Variants in KLRG1 observed in about 807,000 individuals in gnomAD.
KLRG1 encodes killer cell lectin like receptor G1, also known as killer cell lectin-like receptor subfamily G member 1.
KLRG1 carries 16 observed loss-of-function variants against 21.8 expected under a neutral mutation model. That is an observed-to-expected ratio of 0.73 (90% CI 0.50 to 1.11). The LOEUF (loss-of-function observed/expected upper bound fraction) is 1.11, where lower values mean the gene tolerates loss of function less well. Among genes scored for constraint, KLRG1 ranks in the 50% most tolerant of loss-of-function variants. KLRG1 has a pLI of 0.00. For missense variants in KLRG1, 173 were observed against 218.3 expected (o/e 0.79, Z 1.31); for synonymous variants, 69 against 75.9 (o/e 0.91, Z 0.47).
chr12:8,971,597 TCTC>T (rs1326812375), intron 1 of KLRG1, among the ~76,000 whole-genome samples: 3 of 147,470 alleles, frequency 2.0e-5, no homozygotes, highest in Admixed American at 2.0e-4. Flanking sequence ...TTCAAGCGAT[TCTC>T]CTGCCTCAGC....
the KLRG1 span, chr12:9,068,801 T>G: frequency 6.2e-7 from 1 of 1,609,082 alleles, no homozygotes; most frequent in Non-Finnish European, 8.5e-7. Flanking sequence ...CTGGGACATC[T>G]TGCAGAACCG....
chr12:9,145,323 G>C, the KLRG1 span, among the ~76,000 whole-genome samples: 2 of 151,718 alleles, frequency 1.3e-5, no homozygotes, highest in African/African-American at 4.8e-5. Flanking sequence ...TTAAATCTCT[G>C]TCTTTTGTGT....
chr12:9,039,838 C>T, the KLRG1 span, among the ~76,000 whole-genome samples: 1 of 152,212 alleles, frequency 6.6e-6, no homozygotes, highest in Non-Finnish European at 1.5e-5. Flanking sequence ...AGTGGCCATT[C>T]AATTATTCCC....
the KLRG1 span, among the ~76,000 whole-genome samples, chr12:9,186,208 C>T: frequency 1.3e-5 from 2 of 152,060 alleles, no homozygotes; most frequent in African/African-American, 4.8e-5. Flanking sequence ...CAAGGAAATG[C>T]TGAGGGAATT....
chr12:8,965,450 C>T (rs1379637390), intron 1 of KLRG1, among the ~76,000 whole-genome samples: 2 of 152,156 alleles, frequency 1.3e-5, no homozygotes, highest in Admixed American at 6.6e-5. Context: ...ATTGTCTCTG[C>T]CCAAAATCTC....
the KLRG1 span, among the ~76,000 whole-genome samples, chr12:9,025,636 CA>C: frequency 6.6e-6 from 1 of 151,932 alleles, no homozygotes; most frequent in African/African-American, 2.4e-5. Flanking sequence ...GACTTCATCT[CA>C]AAAAAAACCC....
At chr12:9,112,377 C>G in the KLRG1 span, 1 of 1,613,330 alleles carries the variant, frequency 6.2e-7, no homozygotes, top group Non-Finnish European at 8.5e-7. Flanking sequence ...TTCTTCATAC[C>G]TGTCTGCCCT....
the KLRG1 span, among the ~76,000 whole-genome samples, chr12:9,207,674 C>G: frequency 6.6e-6 from 1 of 152,176 alleles, no homozygotes; most frequent in African/African-American, 2.4e-5. Flanking sequence ...AGACCAAGGA[C>G]TCTGACAGTT....
At chr12:9,003,540 A>G (rs2137404884) in intron 3 of KLRG1, among the ~76,000 whole-genome samples, 1 of 152,206 alleles carries the variant, frequency 6.6e-6, no homozygotes, top group South Asian at 2.1e-4. Context: ...AAGAAATGCA[A>G]AAATTTTAAG....
At chr12:8,973,163 GAAAAAAAAAAAAAA>G (rs59760555) in intron 1 of KLRG1, among the ~76,000 whole-genome samples, 54 of 97,034 alleles carry the variant, frequency 5.6e-4, no homozygotes, top group African/African-American at 2.3e-3. Context: ...CATCTCAAAA[GAAAAAAAAAAAAAA>G]AAAAAAAAAA....
At chr12:9,090,204 A>G in the KLRG1 span, among the ~76,000 whole-genome samples, 1 of 152,354 alleles carries the variant, frequency 6.6e-6, no homozygotes, top group Non-Finnish European at 1.5e-5. Flanking sequence ...GATGTTGAGG[A>G]TATCCTTGTA....
chr12:9,117,644 T>C, the KLRG1 span, among the ~76,000 whole-genome samples: 1 of 152,150 alleles, frequency 6.6e-6, no homozygotes, highest in Admixed American at 6.5e-5. Context: ...AGTAAGTGCT[T>C]GTGGGATATT....
the KLRG1 span, among the ~76,000 whole-genome samples, chr12:9,082,648 A>T: frequency 6.6e-6 from 1 of 152,238 alleles, no homozygotes; most frequent in Admixed American, 6.5e-5. Flanking sequence ...ATTATGAAGA[A>T]TCAAGGAATG....
the KLRG1 span, among the ~76,000 whole-genome samples, chr12:9,213,471 A>AT: frequency 6.6e-6 from 1 of 152,076 alleles, no homozygotes; most frequent in Non-Finnish European, 1.5e-5. Flanking sequence ...TTTTCTCCAC[A>AT]TTTTTGGCAA....
the KLRG1 span, among the ~76,000 whole-genome samples, chr12:9,170,292 G>C: frequency 6.6e-6 from 1 of 152,206 alleles, no homozygotes; most frequent in Non-Finnish European, 1.5e-5. This position sits in a 1 kb window ranked among gnomAD's most constrained non-coding sequence, Gnocchi z 4.6. Context: ...TGGATCAGGA[G>C]ATACCCTTGT....
At chr12:9,122,051 T>G in the KLRG1 span, among the ~76,000 whole-genome samples, 1 of 152,250 alleles carries the variant, frequency 6.6e-6, no homozygotes, top group Non-Finnish European at 1.5e-5. Context: ...ATAATTTATC[T>G]TTGTTTAACT....
chr12:9,153,829 G>T, the KLRG1 span, among the ~76,000 whole-genome samples: 24 of 152,122 alleles, frequency 1.6e-4, no homozygotes, highest in Non-Finnish European at 2.8e-4. Context: ...GATCCTAACT[G>T]TTGAAAGAAG....
chr12:9,109,633 G>A, the KLRG1 span, among the ~76,000 whole-genome samples: 1 of 152,246 alleles, frequency 6.6e-6, no homozygotes, highest in South Asian at 2.1e-4. Context: ...ATTAAAACAA[G>A]AATGTTTTAA....
At chr12:9,091,713 C>T in the KLRG1 span, among the ~76,000 whole-genome samples, 47 of 152,268 alleles carry the variant, frequency 3.1e-4, no homozygotes, top group Non-Finnish European at 5.4e-4. Flanking sequence ...CTCTAAAATG[C>T]TATTTCACTG....
Sources: gnomAD v4.1 joint callset for allele counts (sites outside exome capture counted in the v4.1 genomes callset) on GRCh38, gnomAD v4.1.1 for gene constraint, Gnocchi (gnomAD v3.1) non-coding constraint, MANE v1.5 for transcripts, NCBI Gene and HGNC (gene_info 2026-07-23, HGNC 2026-07-21) for gene names.